The following ZSCAN5A variants were observed in gnomAD, a reference collection of about 807,000 sequenced individuals.
The protein encoded by ZSCAN5A is zinc finger and SCAN domain-containing protein 5A.
In ZSCAN5A, 12 loss-of-function variants were observed where a neutral mutation model predicts 23.7. The ratio of observed to expected loss-of-function variants is 0.51; its 90% CI spans 0.32 to 0.82. The LOEUF (loss-of-function observed/expected upper bound fraction) is 0.82, where lower values mean the gene tolerates loss of function less well. Ranked by LOEUF, ZSCAN5A falls within the 40% of genes least tolerant of loss-of-function variation. ZSCAN5A has a pLI of 0.03. For synonymous variants in ZSCAN5A, 257 were observed against 239.9 expected, an observed-to-expected ratio of 1.07 and a Z score of -0.66; for missense variants, 597 against 617.9, an observed-to-expected ratio of 0.97 and a Z score of 0.36.
intron 2 of ZSCAN5A, chr19:56,280,558 A>C (rs529382827): frequency 1.3e-5 from 2 of 152,290 alleles, no homozygotes; most frequent in African/African-American, 4.8e-5. Flanking sequence ...CCACTGTCGT[A>C]GTCTGTTTTG....
intron 2 of ZSCAN5A, among the ~76,000 whole-genome samples, chr19:56,296,706 T>C (rs1045784329): frequency 5.9e-5 from 9 of 151,950 alleles, no homozygotes; most frequent in East Asian, 1.9e-4. Context: ...ATGGAGACAA[T>C]AGAGTAATGG....
chr19:56,233,216 G>T (rs1288922504), intron 2 of ZSCAN5A, among the ~76,000 whole-genome samples: 1 of 152,156 alleles, frequency 6.6e-6, no homozygotes, highest in Middle Eastern at 3.4e-3. Flanking sequence ...CATTTCACAT[G>T]TGCCTACAGG....
At chr19:56,341,428 T>C (rs542742325) in intron 2 of ZSCAN5A, 2 of 152,110 alleles carry the variant, frequency 1.3e-5, no homozygotes, top group East Asian at 3.9e-4. Context: ...AAGATACTCC[T>C]CGAGAAGAGC....
At chr19:56,234,040 A>C (rs542207302) in intron 2 of ZSCAN5A, among the ~76,000 whole-genome samples, 3 of 152,210 alleles carry the variant, frequency 2.0e-5, no homozygotes, top group Non-Finnish European at 4.4e-5. Context: ...GTGAGACCCA[A>C]CTCTACAAAT....
chr19:56,232,982 A>G (rs1006194464), intron 2 of ZSCAN5A, among the ~76,000 whole-genome samples: 1 of 152,196 alleles, frequency 6.6e-6, no homozygotes, highest in Non-Finnish European at 1.5e-5. Context: ...ATGTCTGACT[A>G]TATGGGCTTA....
At position 56,223,753 on chromosome 19, in the gene ZSCAN5A, C is replaced by A; in HGVS notation, c.466G>T (p.Asp156Tyr). The change falls in exon 4 of 6, where the codon GAT (aspartate) becomes TAT (tyrosine). Residue 156 changes from aspartate (D) to tyrosine (Y), a missense_variant. Asp to Tyr is a radical substitution (Grantham distance 160). Coordinates refer to ENST00000683990, the MANE Select transcript of ZSCAN5A (RefSeq NM_001322064.3). ...EMAEAPSSVR[D>Y]DLKDVSSQRA... ...TGGCTGGACACGTCTTTCAGATCAT[C>A]TCTGACACTGGAGGGGGCTTCAGCC... is the stretch of plus-strand genomic sequence containing the variant. 1 of 1,613,970 alleles carries A rather than the reference C, an allele frequency of 6.2e-7. No individual in the cohort carries two copies.
chr19:56,231,169 C>T (rs769547203), intron 2 of ZSCAN5A, among the ~76,000 whole-genome samples: 7 of 152,110 alleles, frequency 4.6e-5, no homozygotes, highest in Non-Finnish European at 1.0e-4. Context: ...GCTGTGATCA[C>T]GCCACTGCAC....
intron 1 of ZSCAN5A, among the ~76,000 whole-genome samples, chr19:56,364,593 A>G (rs1036686813): frequency 6.6e-6 from 1 of 152,190 alleles, no homozygotes; most frequent in Non-Finnish European, 1.5e-5. Flanking sequence ...CCCTACCTCT[A>G]TTACAAGAGA....
Position 56,303,207 on chromosome 19 carries a change from C to T in ZSCAN5A, c.-128+10076G>A, listed in dbSNP as rs185829113. 1.5e-3 allele frequency among the ~76,000 whole-genome samples: 222 copies of T among 152,210 alleles called. 3 individuals carry two copies. The highest frequency in any genetic ancestry group is 5.2e-3 in the African/African-American group (215 of 41,560). ...AAGAAACTACAAGCCAGGCCGGGCACGGTGGCTCACGCTTGTCATCGCAGC... is the reference window on the plus strand; with the variant it reads ...AAGAAACTACAAGCCAGGCCGGGCATGGTGGCTCACGCTTGTCATCGCAGC... On this transcript the variant is annotated intron_variant, in intron 2 of 5. Transcript: ENST00000683990.
rs556546035 is a variant in ZSCAN5A, at chr19:56,239,974, C to T, written c.-127-14801G>A. 1.7e-4 allele frequency among the ~76,000 whole-genome samples: 26 copies of T among 152,078 alleles called. 1 individual carries two copies. In the South Asian group the frequency reaches 4.8e-3, roughly 28 times the overall value. ...GTCAGGAGTTCAAGACCAGCCTGGC[C>T]AACATGGTGAAACCCCGTCTCTACT... On this transcript the variant is annotated intron_variant, in intron 2 of 5. Coordinates refer to ENST00000683990, the MANE Select transcript of ZSCAN5A (RefSeq NM_001322064.3).
chr19:56,258,952 C>T (rs980051809), intron 2 of ZSCAN5A, among the ~76,000 whole-genome samples: 7 of 152,242 alleles, frequency 4.6e-5, no homozygotes, highest in East Asian at 1.9e-4. Flanking sequence ...CCACGACACA[C>T]GGAGAGGACC....
chr19:56,279,108 A>T lies in ZSCAN5A; in HGVS notation c.-128+34175T>A, dbSNP rs1329529640. 5.9e-5 allele frequency among the ~76,000 whole-genome samples: 9 copies of T among 152,324 alleles called. No individual in the cohort carries two copies. The South Asian group carries it at 1.4e-3, about 25-fold the overall frequency. On this transcript the variant is annotated intron_variant, in intron 2 of 5. Coordinates refer to ENST00000683990, the MANE Select transcript of ZSCAN5A (RefSeq NM_001322064.3). ...GGATGGACTCAGTGCCTACTGAAGC[A>T]TTGAGAATAAACGTCTTACTGCTAT...
intron 1 of ZSCAN5A, chr19:56,368,155 C>G (rs1194964852): frequency 6.6e-6 from 1 of 152,422 alleles, no homozygotes; most frequent in African/African-American, 2.4e-5. Flanking sequence ...CAGCGGAACC[C>G]TCTCCACCAG....
chr19:56,233,777 G>A (rs775055444), intron 2 of ZSCAN5A, among the ~76,000 whole-genome samples: 1 of 151,730 alleles, frequency 6.6e-6, no homozygotes, highest in Non-Finnish European at 1.5e-5. Flanking sequence ...CACTGTATCA[G>A]CATGTGTGTT....
chr19:56,270,144 T>G, intron 2 of ZSCAN5A, among the ~76,000 whole-genome samples: 1 of 78,384 alleles, frequency 1.3e-5, no homozygotes, highest in South Asian at 5.1e-4. Flanking sequence ...AACATCACGC[T>G]GGGTGAAAAA....
rs944954011 is a variant in ZSCAN5A at position 56,223,494 on chromosome 19, T to A, written c.588+137A>T. 5.7e-6 allele frequency: 5 copies of A among 879,432 alleles called. No individual in the cohort carries two copies. The East Asian group carries it at 1.1e-4, about 19-fold the overall frequency. The allele number at this position is 879,432 out of a possible 1,614,324, so 54.5% of individuals were successfully genotyped here. A position where few individuals can be genotyped will look rare whatever the true frequency, so the allele number is the denominator to read the frequency against. ...TCTGTGATGGCTCAGGAATGAATGT[T>A]TGGGGATGTATCATGTCCATGGGGA... is the stretch of plus-strand genomic sequence containing the variant. On this transcript the variant is annotated intron_variant, in intron 4 of 5. Coordinates refer to ENST00000683990, the MANE Select transcript of ZSCAN5A (RefSeq NM_001322064.3).
chr19:56,292,109 T>C (rs1036532864), intron 2 of ZSCAN5A, among the ~76,000 whole-genome samples: 3 of 152,164 alleles, frequency 2.0e-5, no homozygotes, highest in African/African-American at 7.2e-5. Context: ...ACCACGGTGC[T>C]GTGCTTCCTC....
intron 2 of ZSCAN5A, among the ~76,000 whole-genome samples, chr19:56,304,204 G>T (rs1028180890): frequency 6.6e-6 from 1 of 152,238 alleles, no homozygotes; most frequent in Non-Finnish European, 1.5e-5. Context: ...GGACCTGGCG[G>T]TGCTCATGGA....
chr19:56,355,719 T>G lies in ZSCAN5A; in HGVS notation c.-358+7516A>C, dbSNP rs1012105020. On this transcript the variant is annotated intron_variant, in intron 2 of 6. Transcript: ENST00000587340. ...GTTTGAAGCGCAGTTTGTGTGTGTT[T>G]AAACTGGCAGTACTGATCCTTCCAT... Among the ~76,000 whole-genome samples the G allele has an allele frequency of 6.7e-5, 10 of 148,986 alleles. 3 individuals carry two copies. The highest frequency in any genetic ancestry group is 2.0e-4 in the Admixed American group (3 of 15,068).
Sources: allele counts gnomAD v4.1 joint callset (sites outside exome capture counted in the v4.1 genomes callset), GRCh38; gene constraint gnomAD v4.1.1; transcripts MANE v1.5; gene names NCBI Gene and HGNC (gene_info 2026-07-23, HGNC 2026-07-21).